Variants in DLG2 observed in about 807,000 individuals in gnomAD.
The protein encoded by DLG2 is discs large MAGUK scaffold protein 2.
DLG2 carries 45 observed loss-of-function variants against 132.5 expected under a neutral mutation model. The observed-to-expected ratio is 0.34, with a 90% CI of 0.27 to 0.44. The LOEUF (loss-of-function observed/expected upper bound fraction) is 0.44. Ranked by LOEUF, DLG2 falls within the 20% of genes least tolerant of loss-of-function variation. The pLI, the probability that DLG2 is intolerant of heterozygous loss-of-function variation, is 1.00. For missense variants in DLG2, 1,045 were observed against 1,196.9 expected (o/e 0.87, Z 1.87); for synonymous variants, 424 against 419.6 (o/e 1.01, Z -0.13).
intron 6 of DLG2, among the ~76,000 whole-genome samples, chr11:84,922,001 C>T (rs1224584515): frequency 6.6e-6 from 1 of 152,048 alleles, no homozygotes; most frequent in Non-Finnish European, 1.5e-5. Context: ...GTCATCAAAA[C>T]ATAAATACCT....
In DLG2 at chr11:83,840,315, T is replaced by C. The variant is rs138735049; in HGVS notation, c.1566-6545A>G. On this transcript the variant is annotated intron_variant, in intron 16 of 27. Coordinates refer to ENST00000376104, the MANE Select transcript of DLG2 (RefSeq NM_001142699.3). ...CAGCATTTCCCCAGTAATAGTAAGA[T>C]GCCTGGCAGGTAGCAGAAACTCAGG... Among the ~76,000 whole-genome samples, 82 of 152,308 alleles carry C rather than the reference T, an allele frequency of 5.4e-4. 1 individual carries two copies. In the East Asian group the frequency reaches 0.011, roughly 21 times the overall value.
chr11:85,574,424 C>CAAAAAA (rs781533239), intron 3 of DLG2, among the ~76,000 whole-genome samples: 1 of 116,576 alleles, frequency 8.6e-6, no homozygotes. Flanking sequence ...GCTGCTCAGG[C>CAAAAAA]AAAAAAAAAA....
intron 3 of DLG2, among the ~76,000 whole-genome samples, chr11:85,520,640 C>T (rs1483336738): frequency 1.3e-5 from 2 of 151,288 alleles, no homozygotes; most frequent in East Asian, 3.9e-4. Flanking sequence ...ACCAAAACAG[C>T]ATGGTATTGG....
At chr11:83,496,654 C>T (rs916285182) in intron 21 of DLG2, among the ~76,000 whole-genome samples, 4 of 152,016 alleles carry the variant, frequency 2.6e-5, no homozygotes, top group African/African-American at 7.2e-5. Flanking sequence ...CATGGATGAA[C>T]CATAAAAGCA....
chr11:84,063,495 A>G (rs1390851890), intron 10 of DLG2, among the ~76,000 whole-genome samples: 1 of 150,602 alleles, frequency 6.6e-6, no homozygotes, highest in African/African-American at 2.4e-5. Context: ...TTGACAATAT[A>G]ATTTAAAGTA....
chr11:84,042,537 T>C (rs1211201373), intron 11 of DLG2, among the ~76,000 whole-genome samples: 1 of 151,926 alleles, frequency 6.6e-6, no homozygotes, highest in East Asian at 1.9e-4. Context: ...TGGCACATTA[T>C]GGTATTCCTT....
At chr11:85,407,234 A>T (rs1320828030) in intron 3 of DLG2, among the ~76,000 whole-genome samples, 1 of 151,894 alleles carries the variant, frequency 6.6e-6, no homozygotes, top group African/African-American at 2.4e-5. Context: ...ATTTTGCAAA[A>T]TTTTTAGCAG....
At chr11:83,646,795 T>G (rs1036671535) in intron 18 of DLG2, 7 of 152,098 alleles carry the variant, frequency 4.6e-5, no homozygotes, top group Non-Finnish European at 7.4e-5. Flanking sequence ...CTCCTAGAAC[T>G]GAACATGATA....
intron 6 of DLG2, among the ~76,000 whole-genome samples, chr11:85,031,126 T>C (rs2060968438): frequency 6.6e-6 from 1 of 152,050 alleles, no homozygotes; most frequent in African/African-American, 2.4e-5. Context: ...CATTTCATTT[T>C]CAATGGCTAA....
At chr11:83,844,686 T>C (rs1225268333) in intron 16 of DLG2, among the ~76,000 whole-genome samples, 4 of 152,028 alleles carry the variant, frequency 2.6e-5, no homozygotes, top group African/African-American at 4.8e-5. Flanking sequence ...ACCTGAGTCG[T>C]AGAAGAAAGA....
At chr11:83,749,633 C>T (rs1431915935) in intron 18 of DLG2, among the ~76,000 whole-genome samples, 2 of 152,172 alleles carry the variant, frequency 1.3e-5, no homozygotes, top group African/African-American at 4.8e-5. Flanking sequence ...TGAGTTTAAG[C>T]ACTAACAGAG....
chr11:85,019,504 T>C (rs1238480837), intron 6 of DLG2, among the ~76,000 whole-genome samples: 1 of 152,130 alleles, frequency 6.6e-6, no homozygotes, highest in Non-Finnish European at 1.5e-5. Context: ...AGTTCTGGGG[T>C]ACTTGTGCAC....
chr11:85,422,006 G>T (rs1364327095), intron 3 of DLG2, among the ~76,000 whole-genome samples: 1 of 152,180 alleles, frequency 6.6e-6, no homozygotes, highest in Non-Finnish European at 1.5e-5. Context: ...GGAGGATGAA[G>T]ATAGGGCCCC....
At chr11:84,720,581 C>G in intron 6 of DLG2, 1 of 684,212 alleles carries the variant, frequency 1.5e-6, no homozygotes. Context: ...CGGGGTCTCC[C>G]TTCCCTGGGG....
At chr11:84,018,100 A>G (rs1332485172) in intron 11 of DLG2, among the ~76,000 whole-genome samples, 4 of 151,910 alleles carry the variant, frequency 2.6e-5, no homozygotes, top group African/African-American at 9.7e-5. Flanking sequence ...ATTAAACTTG[A>G]GAAAATTTTA....
chr11:84,098,333 CAG>C (rs1461544026), intron 10 of DLG2, among the ~76,000 whole-genome samples: 1 of 152,174 alleles, frequency 6.6e-6, no homozygotes, highest in Non-Finnish European at 1.5e-5. Context: ...GCCACTGAGC[CAG>C]GCCATCCTGT....
chr11:83,962,787 C>T lies in DLG2; in HGVS notation c.1340+98G>A, dbSNP rs1156378719. 4 of 1,457,958 alleles carry T rather than the reference C, an allele frequency of 2.7e-6. No individual in the cohort carries two copies. The East Asian group carries it at 6.9e-5, about 25-fold the overall frequency. 90.3% of individuals were successfully genotyped at this position (1,457,958 alleles called of 1,614,324 possible). ...AATAAGGTTGAATGGGACCCAGAAG[C>T]TTTAGTTAGCATCCAAAACAACACC... is the stretch of plus-strand genomic sequence containing the variant. On this transcript the variant is annotated intron_variant, in intron 14 of 27. Transcript: ENST00000376104.
At chr11:85,245,580 G>C (rs1445956297) in intron 4 of DLG2, among the ~76,000 whole-genome samples, 1 of 151,594 alleles carries the variant, frequency 6.6e-6, no homozygotes, top group African/African-American at 2.4e-5. Flanking sequence ...TTTTACTATT[G>C]GCTCCTGTGA....
At chr11:85,291,874 C>T (rs1368132604) in intron 3 of DLG2, among the ~76,000 whole-genome samples, 1 of 152,100 alleles carries the variant, frequency 6.6e-6, no homozygotes, top group East Asian at 1.9e-4. Flanking sequence ...CATAAGCCAC[C>T]ACGCCTGGCC....
Sources: allele counts gnomAD v4.1 joint callset (sites outside exome capture counted in the v4.1 genomes callset), GRCh38; gene constraint gnomAD v4.1.1; transcripts MANE v1.5; gene names NCBI Gene and HGNC (gene_info 2026-07-23, HGNC 2026-07-21).